The following WDPCP variants were observed in gnomAD, a reference collection of about 807,000 sequenced individuals.
The protein encoded by WDPCP is WD repeat-containing and planar cell polarity effector protein fritz homolog.
In WDPCP, 71 loss-of-function variants were observed where a neutral mutation model predicts 93.1. That is an observed-to-expected ratio of 0.76 (90% CI 0.63 to 0.93). The LOEUF is 0.93. Among genes scored for constraint, WDPCP ranks in the 40% least tolerant of loss-of-function variants. The probability of loss-of-function intolerance (pLI) is 0.00; values close to 1 mark genes in which losing one functional copy is unlikely to be tolerated. For missense variants in WDPCP, 844 were observed against 887.4 expected (o/e 0.95, Z 0.62); for synonymous variants, 315 against 315.0 (o/e 1.00, Z 0.00).
rs553256214 is a variant in WDPCP at position 63,137,143 on chromosome 2, C to T, written c.2191-15087G>A. ...GTTGAGGAATCACTGCACTCTCTTCCACAGTGGTTGAACTAACTTACACAC... is the reference window on the plus strand; with the variant it reads ...GTTGAGGAATCACTGCACTCTCTTCTACAGTGGTTGAACTAACTTACACAC... On this transcript the variant is annotated intron_variant, in intron 17 of 17. Transcript: ENST00000272321. 1.1e-4 allele frequency among the ~76,000 whole-genome samples: 17 copies of T among 152,292 alleles called. No individual in the cohort carries two copies. The East Asian group carries it at 3.3e-3, about 29-fold the overall frequency.
intron 15 of WDPCP, among the ~76,000 whole-genome samples, chr2:63,161,051 T>G (rs1460034350): frequency 6.6e-6 from 1 of 152,168 alleles, no homozygotes. Context: ...AGATATGCAG[T>G]GTATCTGTGG....
At chr2:63,526,650 G>A (rs182111101) in intron 1 of WDPCP, among the ~76,000 whole-genome samples, 294 of 152,228 alleles carry the variant, frequency 1.9e-3, no homozygotes, top group Non-Finnish European at 3.1e-3. Context: ...TGTATTTGAT[G>A]TTCTTTTATG....
At chr2:63,757,179 G>A (rs1336857924) in intron 2 of WDPCP, among the ~76,000 whole-genome samples, 1 of 152,188 alleles carries the variant, frequency 6.6e-6, no homozygotes, top group Non-Finnish European at 1.5e-5. Flanking sequence ...ACTTTCAGAA[G>A]GCAGATCCAG....
intron 17 of WDPCP, among the ~76,000 whole-genome samples, chr2:63,138,795 C>T (rs1397217668): frequency 6.6e-6 from 1 of 152,072 alleles, no homozygotes; most frequent in East Asian, 1.9e-4. Flanking sequence ...TTTTGGTGCA[C>T]CCATCAAATA....
intron 3 of WDPCP, among the ~76,000 whole-genome samples, chr2:63,621,908 G>C (rs753423630): frequency 1.3e-5 from 2 of 151,724 alleles, no homozygotes; most frequent in Non-Finnish European, 2.9e-5. Context: ...TTAAGTTTTA[G>C]GGTACATGTG....
intron 12 of WDPCP, among the ~76,000 whole-genome samples, chr2:63,356,413 A>G (rs1041341398): frequency 6.6e-6 from 1 of 152,232 alleles, no homozygotes; most frequent in African/African-American, 2.4e-5. Context: ...TGAACTCAGC[A>G]TTGAACCAAA....
intron 1 of WDPCP, among the ~76,000 whole-genome samples, chr2:63,516,766 T>TG (rs1313602767): frequency 1.3e-5 from 2 of 151,828 alleles, no homozygotes; most frequent in East Asian, 3.8e-4. Context: ...GTGAGGATAA[T>TG]GGGTTTTTTT....
At chr2:63,444,196 C>A (rs901050654) in intron 6 of WDPCP, among the ~76,000 whole-genome samples, 3 of 152,102 alleles carry the variant, frequency 2.0e-5, no homozygotes, top group Non-Finnish European at 4.4e-5. Flanking sequence ...CTTATTGAAC[C>A]TGAGTTTGGA....
chr2:63,700,223 C>T (rs546015741), intron 2 of WDPCP, among the ~76,000 whole-genome samples: 75 of 133,154 alleles, frequency 5.6e-4, no homozygotes, highest in African/African-American at 2.1e-3. Context: ...GTCAAGGCTG[C>T]AGTGAGCCAC....
chr2:63,334,093 G>C (rs772314177), intron 12 of WDPCP, among the ~76,000 whole-genome samples: 1 of 152,166 alleles, frequency 6.6e-6, no homozygotes, highest in African/African-American at 2.4e-5. Flanking sequence ...CATCAAATTT[G>C]TACATTACTT....
intron 2 of WDPCP, among the ~76,000 whole-genome samples, chr2:63,776,848 G>A (rs993176304): frequency 6.6e-6 from 1 of 152,004 alleles, no homozygotes; most frequent in South Asian, 2.1e-4. Context: ...AGTGAAATAA[G>A]CCAGACCCAG....
chr2:63,540,894 C>G (rs921442354), intron 1 of WDPCP, among the ~76,000 whole-genome samples: 1 of 151,840 alleles, frequency 6.6e-6, no homozygotes, highest in Non-Finnish European at 1.5e-5. Flanking sequence ...CAGGTGCACA[C>G]TACAATATCT....
intron 1 of WDPCP, among the ~76,000 whole-genome samples, chr2:63,550,494 C>T (rs1705525036): frequency 6.6e-6 from 1 of 151,992 alleles, no homozygotes; most frequent in African/African-American, 2.4e-5. Context: ...ATTTTCTTCT[C>T]TTTGCTCCCA....
chr2:63,588,282 T>A lies in WDPCP; in HGVS notation c.-11A>T, dbSNP rs1461743961. Reference sequence around the variant, plus strand: ...AAACTCTCGCCTCATCACCAGACACTACCCCGGGCAGAAGGTTCCTAGGCT... The same window carrying A: ...AAACTCTCGCCTCATCACCAGACACAACCCCGGGCAGAAGGTTCCTAGGCT... On this transcript the variant is annotated 5_prime_UTR_variant, in exon 1 of 18. Transcript: ENST00000272321. The A allele has an allele frequency of 6.4e-7, 1 of 1,569,582 alleles. No homozygotes were observed. The highest frequency in any genetic ancestry group is 2.4e-5 in the East Asian group (1 of 42,008).
intron 14 of WDPCP, among the ~76,000 whole-genome samples, chr2:63,191,332 C>A (rs1249680978): frequency 6.6e-6 from 1 of 152,060 alleles, no homozygotes; most frequent in African/African-American, 2.4e-5. Context: ...GCGGAGCTTG[C>A]AGTGAGCTGA....
At chr2:63,820,799 T>C (rs1259733771) in intron 1 of WDPCP, among the ~76,000 whole-genome samples, 1 of 152,048 alleles carries the variant, frequency 6.6e-6, no homozygotes. Context: ...TTCAAATTAC[T>C]CTGAGGCATT....
At chr2:63,609,561 T>G (rs924541520) in intron 3 of WDPCP, among the ~76,000 whole-genome samples, 3 of 152,010 alleles carry the variant, frequency 2.0e-5, no homozygotes, top group African/African-American at 7.3e-5. Flanking sequence ...GAGCAATTAG[T>G]TGGAAGCATG....
intron 10 of WDPCP, among the ~76,000 whole-genome samples, chr2:63,396,710 C>A (rs577309378): frequency 6.6e-6 from 1 of 151,738 alleles, no homozygotes; most frequent in African/African-American, 2.4e-5. Flanking sequence ...AGGTTTGTTA[C>A]GTAGGTAAAC....
At chr2:63,149,521 C>G (rs760725668) in intron 17 of WDPCP, among the ~76,000 whole-genome samples, 19 of 152,196 alleles carry the variant, frequency 1.2e-4, no homozygotes, top group Middle Eastern at 3.4e-3. Flanking sequence ...AGTATATACC[C>G]TAGGAATATA....
Sources: allele counts gnomAD v4.1 joint callset (sites outside exome capture counted in the v4.1 genomes callset), GRCh38; gene constraint gnomAD v4.1.1; transcripts MANE v1.5; gene names NCBI Gene and HGNC (gene_info 2026-07-23, HGNC 2026-07-21).